Variants in PCDH15 observed in about 807,000 individuals in gnomAD.
PCDH15 encodes protocadherin-15.
Under a neutral mutation model 178.5 loss-of-function variants are expected in PCDH15, and 129 were observed. That is an observed-to-expected ratio of 0.72 (90% CI 0.63 to 0.84). The LOEUF is 0.84. Ranked by LOEUF, PCDH15 falls within the 40% of genes least tolerant of loss-of-function variation. The pLI, the probability that PCDH15 is intolerant of heterozygous loss-of-function variation, is 0.00. For missense variants in PCDH15, 2,230 were observed against 2,099.9 expected, an observed-to-expected ratio of 1.06 and a Z score of -1.21; for synonymous variants, 800 against 732.0, an observed-to-expected ratio of 1.09 and a Z score of -1.50.
At chr10:54,723,465 T>A (rs67156245) in intron 1 of PCDH15, among the ~76,000 whole-genome samples, 18,499 of 151,378 alleles carry the variant, frequency 0.12, 1,253 homozygotes, top group African/African-American at 0.17. Flanking sequence ...CCTAGAAAAA[T>A]CTCTTCTGGA....
chr10:54,851,332 T>C (rs544871497), intron 3 of PCDH15, among the ~76,000 whole-genome samples: 13 of 152,102 alleles, frequency 8.5e-5, no homozygotes, highest in Non-Finnish European at 1.8e-4. Flanking sequence ...GTATGGAAGA[T>C]ACATTTTTAA....
At chr10:54,439,691 T>G (rs1245445317) in intron 3 of PCDH15, among the ~76,000 whole-genome samples, 1 of 151,940 alleles carries the variant, frequency 6.6e-6, no homozygotes, top group Non-Finnish European at 1.5e-5. Context: ...GTTTTTTAGC[T>G]ATTGCAGTTA....
intron 9 of PCDH15, among the ~76,000 whole-genome samples, chr10:54,224,550 A>G (rs1485109999): frequency 6.6e-6 from 1 of 151,982 alleles, no homozygotes; most frequent in Non-Finnish European, 1.5e-5. Context: ...CCCTTATTTG[A>G]TCTTGGGATT....
intron 3 of PCDH15, among the ~76,000 whole-genome samples, chr10:54,435,099 T>C (rs1328881811): frequency 6.6e-6 from 1 of 152,194 alleles, no homozygotes; most frequent in African/African-American, 2.4e-5. Flanking sequence ...ATCACTGATT[T>C]CAGAATTACA....
intron 6 of PCDH15, among the ~76,000 whole-genome samples, chr10:54,344,607 G>A (rs2134134921): frequency 6.6e-6 from 1 of 152,020 alleles, no homozygotes; most frequent in South Asian, 2.1e-4. Context: ...AGATTAGAAA[G>A]TAACCTTCAT....
chr10:54,798,141 C>T (rs1324626804), intron 1 of PCDH15, among the ~76,000 whole-genome samples: 1 of 151,868 alleles, frequency 6.6e-6, no homozygotes, highest in Non-Finnish European at 1.5e-5. Context: ...TCTATGGCGA[C>T]TCTATCAAGA....
Position 54,731,569 on chromosome 10 carries a change from C to CACACAT in PCDH15, c.-28-67280_-28-67279insATGTGT, listed in dbSNP as rs1555172590. The stretch of plus-strand genomic sequence containing the variant: ...AGATATATATATATATATATACACA[C>CACACAT]ACACACACACACACACACACACACA... On this transcript the variant is annotated intron_variant, in intron 1 of 37. Transcript: ENST00000644397. 1.8e-3 allele frequency among the ~76,000 whole-genome samples: 75 copies of CACACAT among 42,142 alleles called. 1 individual carries two copies. Among genetic ancestry groups the CACACAT allele is most frequent in the African/African-American group, 5.5e-3 (71 of 12,838 alleles). 27.6% of individuals were successfully genotyped at this position (42,142 alleles called of 152,430 possible). A position where few individuals can be genotyped will look rare whatever the true frequency, so the allele number is the denominator to read the frequency against.
intron 2 of PCDH15, among the ~76,000 whole-genome samples, chr10:55,370,442 C>A (rs1394729831): frequency 6.6e-6 from 1 of 151,972 alleles, no homozygotes; most frequent in East Asian, 1.9e-4. Context: ...TTTTTGACAG[C>A]CAAATTGAAA....
intron 17 of PCDH15, among the ~76,000 whole-genome samples, chr10:54,068,860 TAA>T (rs2094186287): frequency 6.6e-6 from 1 of 151,498 alleles, no homozygotes; most frequent in Non-Finnish European, 1.5e-5. Context: ...TATATTTTCT[TAA>T]GATTATTTAC....
At chr10:55,101,542 T>G (rs2132046435) in intron 2 of PCDH15, among the ~76,000 whole-genome samples, 1 of 152,096 alleles carries the variant, frequency 6.6e-6, no homozygotes, top group East Asian at 1.9e-4. Flanking sequence ...TGGGAATAAG[T>G]GTATTTTCGA....
chr10:55,350,278 CACACACACAT>C (rs1844889317), intron 2 of PCDH15, among the ~76,000 whole-genome samples: 1 of 137,098 alleles, frequency 7.3e-6, no homozygotes, highest in African/African-American at 2.6e-5. Context: ...TACACACACA[CACACACACAT>C]ACATACACAC....
At chr10:54,647,851 A>G (rs904671173) in intron 2 of PCDH15, among the ~76,000 whole-genome samples, 1 of 152,098 alleles carries the variant, frequency 6.6e-6, no homozygotes, top group African/African-American at 2.4e-5. Context: ...TTCTTCCACA[A>G]CTAGGACCTG....
At chr10:55,080,209 A>T (rs1842001571) in intron 2 of PCDH15, among the ~76,000 whole-genome samples, 1 of 152,126 alleles carries the variant, frequency 6.6e-6, no homozygotes, top group Admixed American at 6.6e-5. Flanking sequence ...GCTGTGAACC[A>T]GTATGGGTCC....
intron 3 of PCDH15, among the ~76,000 whole-genome samples, chr10:54,808,043 C>T (rs954113498): frequency 2.0e-5 from 3 of 150,654 alleles, no homozygotes; most frequent in Non-Finnish European, 4.4e-5. Context: ...AGCCGAGCAC[C>T]TTCTTATACC....
chr10:53,907,959 G>GT (rs1162699290), intron 25 of PCDH15, among the ~76,000 whole-genome samples: 2 of 152,090 alleles, frequency 1.3e-5, no homozygotes, highest in African/African-American at 2.4e-5. Flanking sequence ...TGTGATGCTA[G>GT]TTTTTTCTTT....
rs1328430749 is a variant in PCDH15 at position 54,757,439 on chromosome 10, T to C, written c.-29+43486A>G. Reference sequence around the variant, plus strand: ...CTGGGACTACAGGCGCGCGCCACCATGCCCGGCTAATTTTTGTATTTTTAG... The same window carrying C: ...CTGGGACTACAGGCGCGCGCCACCACGCCCGGCTAATTTTTGTATTTTTAG... On this transcript the variant is annotated intron_variant, in intron 1 of 37. Transcript: ENST00000644397. 1.8e-4 allele frequency among the ~76,000 whole-genome samples: 16 copies of C among 88,318 alleles called. 6 individuals carry two copies. The highest frequency in any genetic ancestry group is 3.1e-4 in the Non-Finnish European group (13 of 41,744). 57.9% of individuals were successfully genotyped at this position (88,318 alleles called of 152,430 possible).
At chr10:54,718,223 G>T (rs1274699947) in intron 1 of PCDH15, among the ~76,000 whole-genome samples, 1 of 150,870 alleles carries the variant, frequency 6.6e-6, no homozygotes, top group Non-Finnish European at 1.5e-5. Context: ...TAACTAACCT[G>T]CACATTGTGC....
chr10:54,421,860 T>TAC (rs1313922840), intron 3 of PCDH15, among the ~76,000 whole-genome samples: 1 of 89,594 alleles, frequency 1.1e-5, no homozygotes, highest in African/African-American at 4.8e-5. Flanking sequence ...TATATATATA[T>TAC]ATACACACAC....
At chr10:54,948,419 T>C (rs534074262) in intron 2 of PCDH15, among the ~76,000 whole-genome samples, 1 of 152,072 alleles carries the variant, frequency 6.6e-6, no homozygotes, top group Non-Finnish European at 1.5e-5. Context: ...AATGTGATGA[T>C]TAATTTTCTG....
Sources: gnomAD v4.1 joint callset for allele counts (sites outside exome capture counted in the v4.1 genomes callset) on GRCh38, gnomAD v4.1.1 for gene constraint, MANE v1.5 for transcripts, NCBI Gene and HGNC (gene_info 2026-07-23, HGNC 2026-07-21) for gene names.